Variants in SLC30A8 observed in about 807,000 individuals in gnomAD.
SLC30A8 encodes the protein solute carrier family 30 member 8.
In SLC30A8, 27 loss-of-function variants were observed where a neutral mutation model predicts 36.9. The observed-to-expected ratio is 0.73, with a 90% CI of 0.54 to 1.01. The LOEUF (loss-of-function observed/expected upper bound fraction) is 1.01. Ranked by LOEUF, SLC30A8 falls within the 50% of genes least tolerant of loss-of-function variation. SLC30A8 has a pLI of 0.00. For synonymous variants in SLC30A8, 164 were observed against 172.4 expected, an observed-to-expected ratio of 0.95 and a Z score of 0.38; for missense variants, 439 against 452.0, an observed-to-expected ratio of 0.97 and a Z score of 0.26.
At chr8:117,009,315 T>C (rs1217659107) in intron 1 of SLC30A8, among the ~76,000 whole-genome samples, 1 of 152,208 alleles carries the variant, frequency 6.6e-6, no homozygotes, top group African/African-American at 2.4e-5. Context: ...CCAGAAATCA[T>C]AACTTGGAGG....
intron 1 of SLC30A8, among the ~76,000 whole-genome samples, chr8:117,019,157 CTG>C (rs1816623935): frequency 6.6e-6 from 1 of 152,168 alleles, no homozygotes; most frequent in Admixed American, 6.5e-5. Flanking sequence ...CCCACAGAGA[CTG>C]TGAGGTCCCA....
intron 1 of SLC30A8, among the ~76,000 whole-genome samples, chr8:117,010,179 A>T (rs1466435755): frequency 6.6e-6 from 1 of 152,344 alleles, no homozygotes; most frequent in East Asian, 1.9e-4. Flanking sequence ...AGAAGACCCC[A>T]TGAGAGCTTT....
intron 2 of SLC30A8, among the ~76,000 whole-genome samples, chr8:117,067,485 G>C (rs1487438618): frequency 6.6e-6 from 1 of 151,888 alleles, no homozygotes; most frequent in Admixed American, 6.6e-5. Flanking sequence ...ACTTCTATGG[G>C]CCCTTCTAAT....
At chr8:117,135,756 A>C (rs894287891) in intron 1 of SLC30A8, among the ~76,000 whole-genome samples, 5 of 151,938 alleles carry the variant, frequency 3.3e-5, no homozygotes, top group Non-Finnish European at 5.9e-5. Context: ...GAAAAAGTTA[A>C]GACTTCAGCT....
In SLC30A8 at chr8:117,174,402, A is replaced by G. The variant is rs1823559192; in HGVS notation, c.*1721A>G. The G allele has an allele frequency of 6.6e-6, 1 of 152,598 alleles. No homozygotes were observed. The highest frequency in any genetic ancestry group is 1.5e-5 in the Non-Finnish European group (1 of 68,030). The allele number at this position is 152,598 out of a possible 1,614,324, so 9.5% of individuals were successfully genotyped here. ...ATCAATCAGCACCACTGAAATAACT[A>G]CTTAGCATTCTGCTGAGCTTTCCCT... On this transcript the variant is annotated 3_prime_UTR_variant, in exon 8 of 8. Coordinates refer to ENST00000456015, the MANE Select transcript of SLC30A8 (RefSeq NM_173851.3).
At chr8:117,044,451 C>T (rs558004079) in intron 2 of SLC30A8, among the ~76,000 whole-genome samples, 10 of 152,218 alleles carry the variant, frequency 6.6e-5, no homozygotes, top group African/African-American at 2.4e-4. Context: ...CCCACCAGTC[C>T]CCAGAGGACG....
intron 1 of SLC30A8, 106 bp downstream of exon 1, chr8:117,135,504 C>T (rs896841976): frequency 3.0e-6 from 2 of 675,550 alleles, no homozygotes; most frequent in East Asian, 5.7e-5. Context: ...AACTTGGGGG[C>T]ACTCTGGAAC....
intron 2 of SLC30A8, among the ~76,000 whole-genome samples, chr8:117,088,992 A>G (rs1019129120): frequency 6.6e-6 from 1 of 152,202 alleles, no homozygotes; most frequent in Non-Finnish European, 1.5e-5. Context: ...ACATGCATAC[A>G]TTCTTATCCT....
At chr8:116,972,467 T>C (rs946832220) in intron 1 of SLC30A8, among the ~76,000 whole-genome samples, 1 of 152,188 alleles carries the variant, frequency 6.6e-6, no homozygotes, top group Non-Finnish European at 1.5e-5. Flanking sequence ...GTTAGGACCA[T>C]GGGAAGAGAC....
At chr8:116,990,711 A>G (rs919885021) in intron 1 of SLC30A8, among the ~76,000 whole-genome samples, 2 of 152,210 alleles carry the variant, frequency 1.3e-5, no homozygotes, top group Non-Finnish European at 2.9e-5. Context: ...AGTTAATAGC[A>G]ATGCACCAGT....
intron 1 of SLC30A8, among the ~76,000 whole-genome samples, chr8:116,969,557 CT>C (rs1267987990): frequency 8.5e-5 from 13 of 152,142 alleles, no homozygotes; most frequent in African/African-American, 2.9e-4. Flanking sequence ...GAGAAATGCG[CT>C]GTCAGGTTTT....
chr8:117,023,812 T>C (rs1816787474), intron 1 of SLC30A8, among the ~76,000 whole-genome samples: 1 of 151,834 alleles, frequency 6.6e-6, no homozygotes, highest in Admixed American at 6.6e-5. Context: ...ATGGCACATG[T>C]ATACATGTGT....
At chr8:117,164,003 T>C (rs955168054) in intron 6 of SLC30A8, 3 of 153,894 alleles carry the variant, frequency 1.9e-5, no homozygotes, top group Non-Finnish European at 4.3e-5. Context: ...ATTACAGATA[T>C]GAGCAGAGCA....
chr8:117,148,691 A>G (rs966245511), intron 2 of SLC30A8, among the ~76,000 whole-genome samples: 5 of 152,134 alleles, frequency 3.3e-5, no homozygotes, highest in Non-Finnish European at 5.9e-5. Context: ...CGTTTATCCA[A>G]ATATTCTACA....
intron 1 of SLC30A8, among the ~76,000 whole-genome samples, chr8:116,967,932 T>C (rs11986176): frequency 0.046 from 6,950 of 152,200 alleles, 512 homozygotes; most frequent in African/African-American, 0.16. Context: ...TGCAGTATCA[T>C]AAAAAAGACC....
intron 2 of SLC30A8, among the ~76,000 whole-genome samples, chr8:117,108,644 G>A (rs576487169): frequency 3.5e-4 from 54 of 152,236 alleles, no homozygotes; most frequent in Non-Finnish European, 6.5e-4. Flanking sequence ...TCACTCACAC[G>A]GCTTCTTAGT....
At chr8:117,041,550 C>T (rs755375360) in intron 2 of SLC30A8, among the ~76,000 whole-genome samples, 6 of 151,934 alleles carry the variant, frequency 3.9e-5, no homozygotes, top group Non-Finnish European at 5.9e-5. Flanking sequence ...ATTAGCTGGG[C>T]GTGGTGGTGG....
chr8:116,955,739 A>G (rs999037195), intron 1 of SLC30A8, among the ~76,000 whole-genome samples: 2 of 151,972 alleles, frequency 1.3e-5, no homozygotes, highest in Admixed American at 6.6e-5. Flanking sequence ...AAAAAAATAA[A>G]AAAAAAGAAA....
In SLC30A8 at chr8:117,173,010, A is replaced by C. The variant is rs571376687; in HGVS notation, c.*329A>C. On this transcript the variant is annotated 3_prime_UTR_variant, in exon 8 of 8. Coordinates refer to ENST00000456015, the MANE Select transcript of SLC30A8 (RefSeq NM_173851.3). ...TTCCAATAATGCATCTTGAGAACAC[A>C]TAGGTAAATTTGAACTCAGGAAAGT... is the stretch of plus-strand genomic sequence containing the variant. 4.5e-5 allele frequency: 11 copies of C among 241,848 alleles called. 1 individual carries two copies. The South Asian group carries it at 4.9e-4, about 11-fold the overall frequency. The allele number at this position is 241,848 out of a possible 1,614,324, so 15.0% of individuals were successfully genotyped here.
Sources: allele counts gnomAD v4.1 joint callset (sites outside exome capture counted in the v4.1 genomes callset), GRCh38; gene constraint gnomAD v4.1.1; transcripts MANE v1.5; gene names NCBI Gene and HGNC (gene_info 2026-07-23, HGNC 2026-07-21).